MAPK10: variants seen among roughly 807,000 people sequenced by gnomAD.
MAPK10 encodes mitogen-activated protein kinase 10.
Under a neutral mutation model 59.3 loss-of-function variants are expected in MAPK10, and 25 were observed. The ratio of observed to expected loss-of-function variants is 0.42; its 90% confidence interval spans 0.31 to 0.59. The LOEUF is 0.59. Ranked by LOEUF, MAPK10 falls within the 20% of genes least tolerant of loss-of-function variation. MAPK10 has a pLI of 0.15. For missense variants in MAPK10, 351 were observed against 568.9 expected, an observed-to-expected ratio of 0.62 and a Z score of 3.90; for synonymous variants, 190 against 200.5, an observed-to-expected ratio of 0.95 and a Z score of 0.44.
At chr4:86,517,736 G>A (rs1354394558) in intron 1 of MAPK10, among the ~76,000 whole-genome samples, 1 of 152,064 alleles carries the variant, frequency 6.6e-6, no homozygotes, top group Non-Finnish European at 1.5e-5. Flanking sequence ...AATGATTTGG[G>A]GAGGATTGCC....
In MAPK10 at chr4:86,079,360, CAT is replaced by C. The variant is rs555963480; in HGVS notation, c.803-11407_803-11406del. ...AATAAAAAAATGGAGAGACATGTAA[CAT>C]ATATATTAATATGTGTAGCAATGGC... On this transcript the variant is annotated intron_variant, in intron 9 of 13. Coordinates refer to ENST00000641462, the MANE Select transcript of MAPK10 (RefSeq NM_138982.4). 24 of 152,244 alleles carry C rather than the reference CAT, an allele frequency of 1.6e-4. No individual in the cohort carries two copies. In the East Asian group the frequency reaches 4.6e-3, roughly 29 times the overall value. The allele number at this position is 152,244 out of a possible 1,614,324, so 9.4% of individuals were successfully genotyped here. A position where few individuals can be genotyped will look rare whatever the true frequency, so the allele number is the denominator to read the frequency against.
intron 11 of MAPK10, among the ~76,000 whole-genome samples, chr4:86,047,363 A>C (rs567983190): frequency 6.6e-6 from 1 of 152,278 alleles, no homozygotes; most frequent in South Asian, 2.1e-4. Flanking sequence ...AGAATGTCCC[A>C]GGCAGAAGGA....
intron 2 of MAPK10, among the ~76,000 whole-genome samples, chr4:86,198,381 T>C (rs1203997551): frequency 1.3e-5 from 2 of 152,126 alleles, no homozygotes. Context: ...CTATGGGAAC[T>C]GGGGCCCGAG....
intron 2 of MAPK10, among the ~76,000 whole-genome samples, chr4:86,261,546 C>T (rs370331912): frequency 2.2e-3 from 336 of 152,252 alleles, no homozygotes; most frequent in Middle Eastern, 0.01. Context: ...AGATCTATTC[C>T]CTTGACAACC....
chr4:86,491,515 G>C (rs756643093), intron 1 of MAPK10, among the ~76,000 whole-genome samples: 4 of 152,174 alleles, frequency 2.6e-5, no homozygotes, highest in Non-Finnish European at 5.9e-5. Context: ...TTACTGCAAG[G>C]CTGGGTGAAT....
Position 86,444,603 on chromosome 4 carries a change from A to C in MAPK10, c.-122+8427T>G, listed in dbSNP as rs112366775. 3.8e-3 allele frequency among the ~76,000 whole-genome samples: 574 copies of C among 152,266 alleles called. 1 individual carries two copies. The highest frequency in any genetic ancestry group is 5.8e-3 in the Non-Finnish European group (393 of 68,018). ...TTAAACTAAAGAGCTTCTGCACAGC[A>C]AAAGAAACTATCATCAGATCAAACA... On this transcript the variant is annotated intron_variant, in intron 1 of 13. Coordinates refer to the MAPK10 transcript ENST00000361569.
chr4:86,058,675 T>A (rs2045121068), intron 11 of MAPK10, among the ~76,000 whole-genome samples: 1 of 149,478 alleles, frequency 6.7e-6, no homozygotes, highest in South Asian at 2.1e-4. Context: ...GACTTCTGCA[T>A]TGCAATATGA....
Position 86,537,066 on chromosome 4 carries a change from C to G in MAPK10, c.-263+56844G>C, listed in dbSNP as rs559615225. ...ATGAGGGTAGCCTGACTCAGGTTGT[C>G]GGAACCTCAGTAGGATGAAGAGGGA... On this transcript the variant is annotated intron_variant, in intron 1 of 4. Coordinates refer to the MAPK10 transcript ENST00000502302. 3.9e-5 allele frequency among the ~76,000 whole-genome samples: 6 copies of G among 152,230 alleles called. No individual in the cohort carries two copies. In the East Asian group the frequency reaches 1.2e-3, roughly 29 times the overall value.
In MAPK10 at chr4:86,014,463, A is replaced by C. The variant is rs1199306816; in HGVS notation, c.*2765T>G. 6.6e-6 allele frequency: 1 copy of C among 152,166 alleles called. No individual in the cohort carries two copies. The highest frequency in any genetic ancestry group is 2.4e-5 in the African/African-American group (1 of 41,434). 9.4% of individuals were successfully genotyped at this position (152,166 alleles called of 1,614,324 possible). On this transcript the variant is annotated 3_prime_UTR_variant, in exon 14 of 14. Coordinates refer to ENST00000641462, the MANE Select transcript of MAPK10 (RefSeq NM_138982.4). ...GGGCAAAGGACTGGGGGGCTTTTACAGTGGTGATTCTCTTTGTTGTTCCAT... is the reference window on the plus strand; with the variant it reads ...GGGCAAAGGACTGGGGGGCTTTTACCGTGGTGATTCTCTTTGTTGTTCCAT...
intron 9 of MAPK10, among the ~76,000 whole-genome samples, chr4:86,070,479 G>A (rs2047656873): frequency 6.7e-6 from 1 of 150,028 alleles, no homozygotes; most frequent in South Asian, 2.1e-4. Flanking sequence ...CCATGCTGGT[G>A]CGCTGCACCC....
chr4:86,581,898 AT>A (rs1201012871), intron 1 of MAPK10, among the ~76,000 whole-genome samples: 10 of 97,450 alleles, frequency 1.0e-4, no homozygotes, highest in African/African-American at 2.8e-4. Flanking sequence ...AGCTATATAT[AT>A]TATATATATA....
chr4:86,567,295 A>G (rs1277056147), intron 1 of MAPK10, among the ~76,000 whole-genome samples: 4 of 151,600 alleles, frequency 2.6e-5, no homozygotes, highest in Non-Finnish European at 4.4e-5. Flanking sequence ...ACTTCAGCTC[A>G]CTGCAACCTC....
intron 1 of MAPK10, among the ~76,000 whole-genome samples, chr4:86,476,091 C>T (rs1255922416): frequency 6.6e-6 from 1 of 152,076 alleles, no homozygotes; most frequent in Admixed American, 6.5e-5. Flanking sequence ...ACACATTGTT[C>T]CCTCCCTAGT....
rs1378420264 is a variant in MAPK10, at chr4:86,014,468, T to G, written c.*2760A>C. ...AAGGACTGGGGGGCTTTTACAGTGGTGATTCTCTTTGTTGTTCCATCATCT... is the reference window on the plus strand; with the variant it reads ...AAGGACTGGGGGGCTTTTACAGTGGGGATTCTCTTTGTTGTTCCATCATCT... On this transcript the variant is annotated 3_prime_UTR_variant, in exon 14 of 14. Coordinates refer to ENST00000641462, the MANE Select transcript of MAPK10 (RefSeq NM_138982.4). 6.6e-6 allele frequency: 1 copy of G among 152,112 alleles called. No individual in the cohort carries two copies. Among genetic ancestry groups the G allele is most frequent in the African/African-American group, 2.4e-5 (1 of 41,410 alleles). 9.4% of individuals were successfully genotyped at this position (152,112 alleles called of 1,614,324 possible).
chr4:86,481,718 C>A (rs986889577), intron 1 of MAPK10, among the ~76,000 whole-genome samples: 2 of 152,140 alleles, frequency 1.3e-5, no homozygotes, highest in Non-Finnish European at 1.5e-5. Context: ...AAGGCAAGTA[C>A]GTACTGCTAG....
At chr4:86,358,063 A>G (rs1437111311) in intron 1 of MAPK10, 1 of 984,816 alleles carries the variant, frequency 1.0e-6, no homozygotes, top group Non-Finnish European at 1.2e-6. Context: ...TGATCAAGGT[A>G]GAGAAGGAAA....
chr4:86,108,857 A>G (rs570068561), intron 4 of MAPK10, among the ~76,000 whole-genome samples: 1 of 152,334 alleles, frequency 6.6e-6, no homozygotes, highest in South Asian at 2.1e-4. Flanking sequence ...TGCGTGGCCT[A>G]GAGTCAACAC....
chr4:86,120,709 C>T (rs999339265), intron 4 of MAPK10: 2 of 152,154 alleles, frequency 1.3e-5, no homozygotes, highest in Non-Finnish European at 2.9e-5. Flanking sequence ...ATGGACCATT[C>T]ATATATTTAT....
At chr4:86,170,313 C>A (rs1030685002) in intron 3 of MAPK10, among the ~76,000 whole-genome samples, 1 of 152,056 alleles carries the variant, frequency 6.6e-6, no homozygotes, top group Non-Finnish European at 1.5e-5. Flanking sequence ...ATTCAGGAAA[C>A]CCATCTCACG....
Sources: gnomAD v4.1 joint callset for allele counts (sites outside exome capture counted in the v4.1 genomes callset) on GRCh38, gnomAD v4.1.1 for gene constraint, MANE v1.5 for transcripts, NCBI Gene and HGNC (gene_info 2026-07-23, HGNC 2026-07-21) for gene names.